Variants in FHIT observed in about 807,000 individuals in gnomAD.
The protein encoded by FHIT is bis(5'-adenosyl)-triphosphatase.
FHIT carries 19 observed loss-of-function variants against 17.9 expected under a neutral mutation model. That is an observed-to-expected ratio of 1.06 (90% CI 0.74 to 1.56). The LOEUF (loss-of-function observed/expected upper bound fraction) is 1.56. Ranked by LOEUF, FHIT falls within the 40% of genes most tolerant of loss-of-function variation. The probability of loss-of-function intolerance (pLI) is 0.00; values close to 1 mark genes in which losing one functional copy is unlikely to be tolerated. For missense variants in FHIT, 248 were observed against 189.2 expected, an observed-to-expected ratio of 1.31 and a Z score of -1.82; for synonymous variants, 81 against 69.7, an observed-to-expected ratio of 1.16 and a Z score of -0.81.
chr3:60,634,225 C>G (rs2039520995), intron 4 of FHIT, among the ~76,000 whole-genome samples: 1 of 152,220 alleles, frequency 6.6e-6, no homozygotes, highest in African/African-American at 2.4e-5. Flanking sequence ...TGCTGTTAGT[C>G]TCAACTCATT....
intron 5 of FHIT, among the ~76,000 whole-genome samples, chr3:60,035,219 G>A (rs1381381049): frequency 6.6e-6 from 1 of 152,150 alleles, no homozygotes; most frequent in Non-Finnish European, 1.5e-5. Context: ...AAGAGAGTCA[G>A]ACCGCCACGT....
chr3:60,888,623 T>A (rs1043779828), intron 3 of FHIT, among the ~76,000 whole-genome samples: 1 of 152,238 alleles, frequency 6.6e-6, no homozygotes, highest in East Asian at 1.9e-4. Flanking sequence ...GATATTCATA[T>A]AAATGAAAAG....
At chr3:60,773,139 G>A (rs1700102651) in intron 4 of FHIT, among the ~76,000 whole-genome samples, 1 of 152,102 alleles carries the variant, frequency 6.6e-6, no homozygotes, top group African/African-American at 2.4e-5. Context: ...AACCCACTGG[G>A]TGGTCACAGA....
intron 1 of FHIT, among the ~76,000 whole-genome samples, chr3:61,228,532 A>C (rs1015199240): frequency 1.3e-5 from 2 of 152,188 alleles, no homozygotes; most frequent in African/African-American, 4.8e-5. Context: ...CCCATGTCAC[A>C]AAAAAACTTA....
intron 8 of FHIT, among the ~76,000 whole-genome samples, chr3:59,826,881 T>G (rs1324705708): frequency 6.6e-6 from 1 of 152,246 alleles, no homozygotes; most frequent in Non-Finnish European, 1.5e-5. Context: ...GTGTTTCCAC[T>G]TGGCAAATAA....
intron 7 of FHIT, among the ~76,000 whole-genome samples, chr3:59,949,669 T>C (rs1468510687): frequency 6.6e-6 from 1 of 152,222 alleles, no homozygotes; most frequent in African/African-American, 2.4e-5. Flanking sequence ...TAACGTTTAT[T>C]GAGGAGTTTC....
At chr3:61,099,853 C>T (rs2035762439) in intron 2 of FHIT, among the ~76,000 whole-genome samples, 1 of 151,610 alleles carries the variant, frequency 6.6e-6, no homozygotes, top group Admixed American at 6.6e-5. Context: ...ATTAATAATT[C>T]TTTCAAAAAA....
chr3:61,067,318 A>G (rs1230436461), intron 2 of FHIT, among the ~76,000 whole-genome samples: 2 of 152,202 alleles, frequency 1.3e-5, no homozygotes, highest in Non-Finnish European at 2.9e-5. Flanking sequence ...ATGGTTTGTT[A>G]CAGAGAAAGG....
At chr3:60,048,149 G>T (rs957477309) in intron 5 of FHIT, among the ~76,000 whole-genome samples, 32 of 152,152 alleles carry the variant, frequency 2.1e-4, no homozygotes, top group African/African-American at 7.5e-4. Flanking sequence ...GGGACCCACC[G>T]TAATGGTTTC....
At chr3:60,465,156 C>T (rs2032714317) in intron 5 of FHIT, among the ~76,000 whole-genome samples, 1 of 151,932 alleles carries the variant, frequency 6.6e-6, no homozygotes, top group Non-Finnish European at 1.5e-5. Context: ...ATATATTTGC[C>T]ATTTGTATGT....
intron 4 of FHIT, among the ~76,000 whole-genome samples, chr3:60,578,407 G>A (rs1243105583): frequency 1.3e-5 from 2 of 148,774 alleles, no homozygotes; most frequent in Non-Finnish European, 3.0e-5. Context: ...ACTGCACTCT[G>A]GCCTGGGCGA....
intron 2 of FHIT, among the ~76,000 whole-genome samples, chr3:61,143,726 C>T (rs62268792): frequency 0.074 from 11,225 of 152,064 alleles, 532 homozygotes; most frequent in Non-Finnish European, 0.11. Flanking sequence ...ATTAGCCGGG[C>T]ATGGTGGCAG....
chr3:60,977,483 A>C (rs966837602), intron 3 of FHIT, among the ~76,000 whole-genome samples: 1 of 152,226 alleles, frequency 6.6e-6, no homozygotes, highest in Non-Finnish European at 1.5e-5. Flanking sequence ...GATTGAACAA[A>C]CAAGCAAATG....
chr3:60,317,307 C>T (rs1341325465), intron 5 of FHIT, among the ~76,000 whole-genome samples: 2 of 151,732 alleles, frequency 1.3e-5, no homozygotes, highest in African/African-American at 2.4e-5. Context: ...CCTGATGATT[C>T]TATTCATCCT....
At chr3:60,600,660 G>A (rs1272545749) in intron 4 of FHIT, among the ~76,000 whole-genome samples, 1 of 152,128 alleles carries the variant, frequency 6.6e-6, no homozygotes, top group Non-Finnish European at 1.5e-5. Context: ...AAGAAGGTAA[G>A]TAGACAGATT....
At chr3:60,880,516 T>G (rs1355155728) in intron 3 of FHIT, among the ~76,000 whole-genome samples, 1 of 152,216 alleles carries the variant, frequency 6.6e-6, no homozygotes, top group Non-Finnish European at 1.5e-5. Context: ...GCAGATCACC[T>G]GAGGTTGGGA....
chr3:61,108,258 A>C (rs1331502298), intron 2 of FHIT, among the ~76,000 whole-genome samples: 1 of 152,164 alleles, frequency 6.6e-6, no homozygotes, highest in Non-Finnish European at 1.5e-5. Context: ...TTGTTACAAC[A>C]GGAGCTTTCT....
chr3:61,134,848 C>A (rs1387408540), intron 2 of FHIT, among the ~76,000 whole-genome samples: 1 of 152,134 alleles, frequency 6.6e-6, no homozygotes, highest in Non-Finnish European at 1.5e-5. Flanking sequence ...TCACCTGAAT[C>A]GCAAAGGCCG....
intron 5 of FHIT, among the ~76,000 whole-genome samples, chr3:60,067,769 G>A (rs1190464721): frequency 6.6e-6 from 1 of 152,228 alleles, no homozygotes; most frequent in South Asian, 2.1e-4. Flanking sequence ...AATACCCAGT[G>A]AGAGCTTGTT....
Sources: gnomAD v4.1 joint callset for allele counts (sites outside exome capture counted in the v4.1 genomes callset) on GRCh38, gnomAD v4.1.1 for gene constraint, MANE v1.5 for transcripts, NCBI Gene and HGNC (gene_info 2026-07-23, HGNC 2026-07-21) for gene names.